PSMF1: variants seen among roughly 807,000 people sequenced by gnomAD.
PSMF1 encodes proteasome inhibitor subunit 1.
A neutral mutation model predicts 29.3 loss-of-function variants in PSMF1; 30 were observed. That is an observed-to-expected ratio of 1.02 (90% CI 0.77 to 1.39). PSMF1 has a LOEUF of 1.39. Among genes scored for constraint, PSMF1 ranks in the 40% most tolerant of loss-of-function variants. The pLI is 0.00. For synonymous variants in PSMF1, 134 were observed against 139.7 expected, an observed-to-expected ratio of 0.96 and a Z score of 0.29; for missense variants, 344 against 357.5, an observed-to-expected ratio of 0.96 and a Z score of 0.31.
Position 1,134,481 on chromosome 20 carries a change from C to T in PSMF1, c.366-640C>T, listed in dbSNP as rs181120647. Among the ~76,000 whole-genome samples the T allele has an allele frequency of 1.2e-3, 182 of 152,112 alleles. 2 individuals are homozygous for T. The highest frequency in any genetic ancestry group is 2.7e-3 in the South Asian group (13 of 4,822). ...CATTTGTGAGCTTTGCTTTATGGGC[C>T]AGGATGTGGTTCATTTTAAAATACC... On this transcript the variant is annotated intron_variant, in intron 3 of 6. Coordinates refer to ENST00000335877, the MANE Select transcript of PSMF1 (RefSeq NM_006814.5).
intron 4 of PSMF1, among the ~76,000 whole-genome samples, chr20:1,144,143 G>A (rs1414509680): frequency 6.6e-6 from 1 of 152,094 alleles, no homozygotes; most frequent in Non-Finnish European, 1.5e-5. Context: ...CACTGAGAAG[G>A]ATGTACAGAT....
intron 4 of PSMF1, among the ~76,000 whole-genome samples, chr20:1,140,427 G>T (rs571135431): frequency 6.6e-6 from 1 of 152,184 alleles, no homozygotes; most frequent in Admixed American, 6.5e-5. Context: ...TCCCTTCCTC[G>T]ATTACCTCTA....
chr20:1,126,315 G>T (rs1376193953), intron 2 of PSMF1, among the ~76,000 whole-genome samples: 2 of 152,008 alleles, frequency 1.3e-5, no homozygotes, highest in Non-Finnish European at 2.9e-5. Context: ...TAGTGGTTTG[G>T]GTGTGACCAT....
At chr20:1,113,919 C>T (rs1389782132), upstream of PSMF1, among the ~76,000 whole-genome samples, 1 of 152,068 alleles carries the variant, frequency 6.6e-6, no homozygotes. Flanking sequence ...TCTCGATGTC[C>T]TGACCTCGTG....
At chr20:1,133,574 T>A (rs200607516) in intron 3 of PSMF1, among the ~76,000 whole-genome samples, 1,355 of 124,294 alleles carry the variant, frequency 0.011, 49 homozygotes, top group East Asian at 0.035. Flanking sequence ...TATATATTTT[T>A]TTTTTTTTTT....
intron 4 of PSMF1, among the ~76,000 whole-genome samples, chr20:1,158,199 T>A (rs1320719487): frequency 6.7e-6 from 1 of 148,678 alleles, no homozygotes; most frequent in Non-Finnish European, 1.5e-5. Flanking sequence ...TGGATGTCAA[T>A]CTTTTAAAAA....
upstream of PSMF1, among the ~76,000 whole-genome samples, chr20:1,114,412 A>T (rs1455544844): frequency 1.3e-5 from 2 of 152,264 alleles, no homozygotes; most frequent in Non-Finnish European, 2.9e-5. Context: ...CTTCTGAGAG[A>T]ATACATGTTA....
chr20:1,118,474 A>C (rs2086034512), upstream of PSMF1: 1 of 278,888 alleles, frequency 3.6e-6, no homozygotes, highest in African/African-American at 2.2e-5. Flanking sequence ...GACTGCCGCC[A>C]AGACCCGGCT....
At chr20:1,135,706 G>A in intron 4 of PSMF1, among the ~76,000 whole-genome samples, 1 of 152,158 alleles carries the variant, frequency 6.6e-6, no homozygotes, top group East Asian at 1.9e-4. Context: ...ACATGTAGAG[G>A]TACTAGCCCA....
chr20:1,129,158 C>T (rs1254534179), intron 3 of PSMF1, among the ~76,000 whole-genome samples: 1 of 151,914 alleles, frequency 6.6e-6, no homozygotes, highest in East Asian at 1.9e-4. Context: ...GGATTACAGG[C>T]GTGAGCCACT....
chr20:1,171,708 G>C lies in PSMF1; in HGVS notation c.*6628G>C, dbSNP rs1028724749. ...CAGCCTCCCTAAAGCCGCTGGAGGAGGCCTTTGGAGCCAGCTCAGGTCAGT... is the reference window on the plus strand; with the variant it reads ...CAGCCTCCCTAAAGCCGCTGGAGGACGCCTTTGGAGCCAGCTCAGGTCAGT... On this transcript the variant is annotated 3_prime_UTR_variant, in exon 7 of 7. Transcript: ENST00000335877. 1.3e-5 allele frequency among the ~76,000 whole-genome samples: 2 copies of C among 152,208 alleles called. No homozygotes were observed. The highest frequency in any genetic ancestry group is 2.4e-5 in the African/African-American group (1 of 41,456).
chr20:1,115,206 G>C (rs558310132), upstream of PSMF1, among the ~76,000 whole-genome samples: 2 of 127,824 alleles, frequency 1.6e-5, no homozygotes, highest in African/African-American at 6.1e-5. Context: ...ACGGGGTGGG[G>C]GTGACGGAGC....
Position 1,167,670 on chromosome 20 carries a change from C to G in PSMF1, c.*2590C>G, listed in dbSNP as rs1301649836. ...GTGATGTTTTCAAGATTCATTCATG[C>G]TGTAGCATGTATCCATGGTATGGAT... On this transcript the variant is annotated 3_prime_UTR_variant, in exon 7 of 7. Coordinates refer to ENST00000335877, the MANE Select transcript of PSMF1 (RefSeq NM_006814.5). 2 of 151,928 alleles carry G rather than the reference C, an allele frequency of 1.3e-5. No homozygotes were observed. Among genetic ancestry groups the G allele is most frequent in the African/African-American group, 4.8e-5 (2 of 41,322 alleles). 9.4% of individuals were successfully genotyped at this position (151,928 alleles called of 1,614,324 possible). A position where few individuals can be genotyped will look rare whatever the true frequency, so the allele number is the denominator to read the frequency against.
At chr20:1,135,598 A>G (rs575381025) in intron 4 of PSMF1, among the ~76,000 whole-genome samples, 1 of 152,308 alleles carries the variant, frequency 6.6e-6, no homozygotes, top group African/African-American at 2.4e-5. Flanking sequence ...GCTTATGTGC[A>G]GTAGTCTAAG....
intron 3 of PSMF1, among the ~76,000 whole-genome samples, chr20:1,133,922 T>C (rs2086269227): frequency 6.6e-6 from 1 of 152,156 alleles, no homozygotes; most frequent in Non-Finnish European, 1.5e-5. Flanking sequence ...TATTCTCTTA[T>C]TATCCTTTCA....
intron 4 of PSMF1, among the ~76,000 whole-genome samples, chr20:1,142,430 C>T (rs1200625125): frequency 1.3e-5 from 2 of 152,000 alleles, no homozygotes; most frequent in Non-Finnish European, 2.9e-5. Context: ...CTCCCCCCAC[C>T]CCACAACAGG....
chr20:1,116,162 G>A (rs2086010523), upstream of PSMF1, among the ~76,000 whole-genome samples: 2 of 152,048 alleles, frequency 1.3e-5, no homozygotes, highest in South Asian at 4.1e-4. Context: ...TGGACACCCT[G>A]CACTATGGTT....
intron 4 of PSMF1, among the ~76,000 whole-genome samples, chr20:1,157,736 T>C (rs1197767542): frequency 2.6e-5 from 4 of 151,620 alleles, no homozygotes; most frequent in Non-Finnish European, 4.4e-5. Flanking sequence ...CCCTTTGCCT[T>C]CAGTAAGCAC....
intron 4 of PSMF1, among the ~76,000 whole-genome samples, chr20:1,151,471 A>G (rs909938670): frequency 1.3e-5 from 2 of 152,256 alleles, no homozygotes; most frequent in Non-Finnish European, 2.9e-5. Context: ...TGTATTTTAC[A>G]CAAGAGAAAG....
Sources: allele counts gnomAD v4.1 joint callset (sites outside exome capture counted in the v4.1 genomes callset), GRCh38; gene constraint gnomAD v4.1.1; transcripts MANE v1.5; gene names NCBI Gene and HGNC (gene_info 2026-07-23, HGNC 2026-07-21).